The following COG6 variants were observed in gnomAD, a reference collection of about 807,000 sequenced individuals.
COG6 encodes component of oligomeric golgi complex 6.
In COG6, 74 loss-of-function variants were observed where a neutral mutation model predicts 88.8. The ratio of observed to expected loss-of-function variants is 0.83; its 90% CI spans 0.69 to 1.01. The LOEUF is 1.01. Ranked by LOEUF, COG6 falls within the 50% of genes least tolerant of loss-of-function variation. The pLI, the probability that COG6 is intolerant of heterozygous loss-of-function variation, is 0.00. For missense variants in COG6, 800 were observed against 797.9 expected, an observed-to-expected ratio of 1.00 and a Z score of -0.03; for synonymous variants, 286 against 278.7, an observed-to-expected ratio of 1.03 and a Z score of -0.26.
chr13:39,659,373 G>C lies in COG6; in HGVS notation c.163G>C (p.Glu55Gln). 6.2e-7 allele frequency: 1 copy of C among 1,613,568 alleles called. No individual in the cohort carries two copies. The change falls in exon 2 of 19, where the codon GAA (glutamate) becomes CAA (glutamine). Residue 55 changes from glutamate to glutamine, a missense_variant. Glu to Gln is a conservative substitution (Grantham distance 29, BLOSUM62 2). Transcript: ENST00000455146. ...GTTACCAATTGTATAGGAGATGTTA[G>C]AAGCTCTCAAGGCACTTTCAACCTT... ...TRLDNDKEML[E>Q]ALKALSTFFV...
intron 18 of COG6, among the ~76,000 whole-genome samples, chr13:39,776,269 G>A (rs991071908): frequency 6.6e-6 from 1 of 152,190 alleles, no homozygotes; most frequent in African/African-American, 2.4e-5. Context: ...GGAGCAAGAG[G>A]ATACAACTTG....
At chr13:39,703,026 T>G (rs1203500382) in intron 13 of COG6, among the ~76,000 whole-genome samples, 2 of 152,114 alleles carry the variant, frequency 1.3e-5, no homozygotes, top group East Asian at 3.8e-4. Flanking sequence ...CAAAACCACC[T>G]TGAGTTAATT....
At chr13:39,744,367 C>G (rs541316282) in intron 18 of COG6, among the ~76,000 whole-genome samples, 2 of 152,280 alleles carry the variant, frequency 1.3e-5, no homozygotes, top group Admixed American at 1.3e-4. Context: ...ATTTTCCCAG[C>G]CCAAAATCTC....
chr13:39,685,077 T>C (rs1876560913), intron 8 of COG6, among the ~76,000 whole-genome samples: 1 of 152,210 alleles, frequency 6.6e-6, no homozygotes, highest in South Asian at 2.1e-4. Context: ...GGCACTTCTT[T>C]ACTATTATCT....
chr13:39,714,224 GTT>G (rs143237550), intron 13 of COG6, among the ~76,000 whole-genome samples: 2 of 149,736 alleles, frequency 1.3e-5, no homozygotes, highest in South Asian at 2.1e-4. Context: ...ATTTTTGAAA[GTT>G]TTTTTTTTTA....
intron 13 of COG6, among the ~76,000 whole-genome samples, chr13:39,716,855 G>A (rs1878556414): frequency 6.6e-6 from 1 of 152,022 alleles, no homozygotes; most frequent in Non-Finnish European, 1.5e-5. Context: ...TATAATTATT[G>A]CCTCATGCAG....
intron 5 of COG6, 132 bp downstream of exon 5, chr13:39,677,711 A>G (rs1876057641): frequency 3.4e-6 from 2 of 581,146 alleles, no homozygotes; most frequent in African/African-American, 3.7e-5. Context: ...TTGGAAATTT[A>G]AGATGTGTAT....
chr13:39,682,563 G>T (rs977912945), intron 8 of COG6: 9 of 294,450 alleles, frequency 3.1e-5, no homozygotes, highest in Non-Finnish European at 5.2e-5. Flanking sequence ...CCTTAGAATT[G>T]TAAGTAACTA....
chr13:39,723,246 T>G (rs1878943915), intron 15 of COG6, 87 bp from the exon 16 acceptor site: 2 of 789,632 alleles, frequency 2.5e-6, no homozygotes, highest in South Asian at 2.8e-5. Flanking sequence ...TCCCTGTGCC[T>G]CATCATCAGT....
intron 13 of COG6, 85 bp from the exon 14 acceptor site, chr13:39,719,150 CA>C: frequency 1.7e-6 from 2 of 1,186,290 alleles, no homozygotes; most frequent in South Asian, 1.3e-5. Flanking sequence ...ATAACTTTTA[CA>C]TTTTTTTTTA....
intron 4 of COG6, among the ~76,000 whole-genome samples, chr13:39,665,498 T>A (rs1875193749): frequency 6.6e-6 from 1 of 152,210 alleles, no homozygotes; most frequent in Non-Finnish European, 1.5e-5. Flanking sequence ...TCTTTTATTT[T>A]TAAGCTATGA....
chr13:39,664,494 GC>G (rs1336151651), intron 3 of COG6, among the ~76,000 whole-genome samples: 2 of 152,172 alleles, frequency 1.3e-5, no homozygotes, highest in South Asian at 2.1e-4. Flanking sequence ...TGGATAAGAT[GC>G]TTTTTTAATT....
rs1249417400 is a variant in COG6 at position 39,659,411 on chromosome 13, T to C, written c.201T>C (p.Asn67=). The change falls in exon 2 of 19, where the codon AAT becomes AAC. Residue 67 remains asparagine (N), a synonymous_variant. Coordinates refer to ENST00000455146, the MANE Select transcript of COG6 (RefSeq NM_020751.3). ...LKALSTFFVE[N]SLRTRRNLRG... is the part of the protein sequence containing the mutation. ...CACTTTCAACCTTTTTTGTTGAAAA[T>C]AGTCTGCGGACTCGAAGAAATTTAC... is the stretch of plus-strand genomic sequence containing the variant. The C allele has an allele frequency of 6.2e-7, 1 of 1,613,538 alleles. No homozygotes were observed. The highest frequency in any genetic ancestry group is 1.7e-5 in the Admixed American group (1 of 60,006).
chr13:39,744,512 A>G (rs1031775065), intron 18 of COG6, among the ~76,000 whole-genome samples: 2 of 152,322 alleles, frequency 1.3e-5, no homozygotes, highest in Admixed American at 6.5e-5. Flanking sequence ...CAATTGCTAC[A>G]AAGAGAATAA....
intron 18 of COG6, among the ~76,000 whole-genome samples, chr13:39,744,618 A>G (rs1880234811): frequency 6.6e-6 from 1 of 152,252 alleles, no homozygotes; most frequent in South Asian, 2.1e-4. Flanking sequence ...ACACAAACAA[A>G]TGGAAGAACA....
At chr13:39,754,919 G>A (rs1290215920), downstream of COG6, among the ~76,000 whole-genome samples, 1 of 152,154 alleles carries the variant, frequency 6.6e-6, no homozygotes, top group African/African-American at 2.4e-5. Context: ...ATAAGAGGTT[G>A]AGAGCACAGA....
rs775580766 is a variant in COG6 at position 39,687,733 on chromosome 13, C to A, written c.943C>A (p.Leu315Ile). ...GTATGTAGGAGATATGTTGGCTTGG[C>A]TCCATCAAGCTACTGCTTCTGAAAA... The part of the protein sequence containing the change: ...LRYVGDMLAW[L>I]HQATASEKEH... Residue 315 changes from leucine to isoleucine, a missense_variant, in exon 10 of 19, where the codon CTC becomes ATC. Physicochemically the swap from Leu to Ile is conservative, Grantham distance 5. Coordinates refer to ENST00000455146, the MANE Select transcript of COG6 (RefSeq NM_020751.3). 8 of 1,613,984 alleles carry A rather than the reference C, an allele frequency of 5.0e-6. No homozygotes were observed. The South Asian group carries it at 8.8e-5, about 18-fold the overall frequency.
intron 11 of COG6, among the ~76,000 whole-genome samples, chr13:39,690,025 A>G (rs984136825): frequency 6.6e-6 from 1 of 151,948 alleles, no homozygotes; most frequent in Non-Finnish European, 1.5e-5. Context: ...AAATATTTGT[A>G]GTTTGCATAT....
At chr13:39,722,382 T>G (rs2138081252) in intron 15 of COG6, among the ~76,000 whole-genome samples, 1 of 152,186 alleles carries the variant, frequency 6.6e-6, no homozygotes, top group East Asian at 1.9e-4. Flanking sequence ...ATACTTGTTC[T>G]GATTATTCAC....
Sources: gnomAD v4.1 joint callset for allele counts (sites outside exome capture counted in the v4.1 genomes callset) on GRCh38, gnomAD v4.1.1 for gene constraint, MANE v1.5 for transcripts, NCBI Gene and HGNC (gene_info 2026-07-23, HGNC 2026-07-21) for gene names.